DEPTOR: variants seen among roughly 807,000 people sequenced by gnomAD.
The protein encoded by DEPTOR is DEP domain containing MTOR interacting protein, also known as DEP domain-containing mTOR-interacting protein.
DEPTOR carries 41 observed loss-of-function variants against 41.6 expected under a neutral mutation model. The observed-to-expected ratio is 0.98, with a 90% CI of 0.77 to 1.28. The LOEUF (loss-of-function observed/expected upper bound fraction) is 1.28. Among genes scored for constraint, DEPTOR ranks in the 50% most tolerant of loss-of-function variants. The pLI is 0.00. For missense variants in DEPTOR, 514 were observed against 527.9 expected, an observed-to-expected ratio of 0.97 and a Z score of 0.26; for synonymous variants, 195 against 192.3, an observed-to-expected ratio of 1.01 and a Z score of -0.12.
chr8:119,891,817 A>C (rs886540393), intron 1 of DEPTOR, among the ~76,000 whole-genome samples: 1 of 152,184 alleles, frequency 6.6e-6, no homozygotes, highest in Non-Finnish European at 1.5e-5. Context: ...TATAAAAGTC[A>C]TCTCTTTGTA....
intron 4 of DEPTOR, among the ~76,000 whole-genome samples, chr8:119,986,018 C>T (rs1485677976): frequency 2.0e-5 from 3 of 151,692 alleles, no homozygotes; most frequent in Admixed American, 6.6e-5. Context: ...GGGCATTTAG[C>T]CCGTTAACAT....
At chr8:119,890,121 C>T (rs936756137) in intron 1 of DEPTOR, among the ~76,000 whole-genome samples, 1 of 152,026 alleles carries the variant, frequency 6.6e-6, no homozygotes, top group African/African-American at 2.4e-5. Flanking sequence ...TGGGCCGCTA[C>T]ACCCAGCTAA....
In DEPTOR at chr8:119,904,265, C is replaced by T. The variant is rs555974509; in HGVS notation, c.123-24135C>T. Among the ~76,000 whole-genome samples the T allele has an allele frequency of 5.1e-3, 773 of 151,888 alleles. 4 individuals are homozygous for T. The highest frequency in any genetic ancestry group is 7.2e-3 in the Non-Finnish European group (490 of 67,976). ...CCCCGAGTAGTTGGAACTACAGGTG[C>T]CTGCCACCACGCCCAGCTGATTTTT... On this transcript the variant is annotated intron_variant, in intron 1 of 8. Coordinates refer to ENST00000286234, the MANE Select transcript of DEPTOR (RefSeq NM_022783.4).
At chr8:120,005,478 A>C (rs1012314505) in intron 6 of DEPTOR, among the ~76,000 whole-genome samples, 7 of 152,110 alleles carry the variant, frequency 4.6e-5, no homozygotes, top group African/African-American at 1.7e-4. Flanking sequence ...TGCCTGGTAG[A>C]TCATCACGCC....
At chr8:120,044,249 G>A (rs1019351003) in intron 8 of DEPTOR, among the ~76,000 whole-genome samples, 15 of 151,344 alleles carry the variant, frequency 9.9e-5, no homozygotes, top group Non-Finnish European at 7.4e-5. Flanking sequence ...CCTCAGCCTC[G>A]CAAGTATCTG....
chr8:120,025,628 G>A (rs940613841), intron 8 of DEPTOR, among the ~76,000 whole-genome samples: 8 of 152,108 alleles, frequency 5.3e-5, no homozygotes, highest in African/African-American at 1.7e-4. Context: ...CAGAAACCTA[G>A]AAGTCATGCT....
intron 8 of DEPTOR, among the ~76,000 whole-genome samples, chr8:120,033,422 T>C (rs1168339900): frequency 1.3e-5 from 2 of 152,130 alleles, no homozygotes; most frequent in Non-Finnish European, 2.9e-5. Flanking sequence ...CGAAAGAGTT[T>C]GAGTCACAGC....
At chr8:119,884,583 T>C (rs868703632) in intron 1 of DEPTOR, among the ~76,000 whole-genome samples, 58 of 145,270 alleles carry the variant, frequency 4.0e-4, no homozygotes, top group Admixed American at 1.5e-3. Context: ...TTTTTTTTTT[T>C]CATGTTGAAG....
chr8:120,012,074 A>C (rs989810205), intron 8 of DEPTOR, among the ~76,000 whole-genome samples: 2 of 152,254 alleles, frequency 1.3e-5, no homozygotes, highest in African/African-American at 4.8e-5. Flanking sequence ...GCAGGAGGAA[A>C]AAAAAACCTT....
chr8:119,897,180 C>G (rs1406864740), intron 1 of DEPTOR, among the ~76,000 whole-genome samples: 1 of 152,078 alleles, frequency 6.6e-6, no homozygotes, highest in African/African-American at 2.4e-5. Context: ...TATCCCCAGA[C>G]TGGATGTGTT....
intron 4 of DEPTOR, among the ~76,000 whole-genome samples, chr8:119,997,966 G>T (rs184423368): frequency 6.6e-6 from 1 of 152,128 alleles, no homozygotes; most frequent in African/African-American, 2.4e-5. Context: ...AAAAAAAGTT[G>T]CCAGGATTGA....
In DEPTOR at chr8:119,961,402, G is replaced by A. The variant is rs924844213; in HGVS notation, c.426-3830G>A. On this transcript the variant is annotated intron_variant, in intron 3 of 8. Transcript: ENST00000286234. ...TTGCACTCCAGCCTGGGCAACAAGA[G>A]TGAAACTCCGTATCAAAAAAAAAAA... Among the ~76,000 whole-genome samples, 5 of 133,958 alleles carry A rather than the reference G, an allele frequency of 3.7e-5. No individual in the cohort carries two copies. The Admixed American group carries it at 4.2e-4, about 11-fold the overall frequency. 87.9% of individuals were successfully genotyped at this position (133,958 alleles called of 152,430 possible). A position where few individuals can be genotyped will look rare whatever the true frequency, so the allele number is the denominator to read the frequency against.
intron 3 of DEPTOR, among the ~76,000 whole-genome samples, chr8:119,948,438 TAAAATA>T (rs1828310527): frequency 6.6e-6 from 1 of 151,710 alleles, no homozygotes; most frequent in African/African-American, 2.4e-5. Flanking sequence ...AAATAAAAAC[TAAAATA>T]AAAATAAGAA....
At chr8:120,021,618 G>A (rs1313332977) in intron 8 of DEPTOR, among the ~76,000 whole-genome samples, 1 of 152,134 alleles carries the variant, frequency 6.6e-6, no homozygotes, top group Non-Finnish European at 1.5e-5. Flanking sequence ...ATAACAGAGG[G>A]AGAGAGTCTA....
chr8:119,921,610 A>T (rs1183331063), intron 1 of DEPTOR, among the ~76,000 whole-genome samples: 1 of 152,204 alleles, frequency 6.6e-6, no homozygotes, highest in Non-Finnish European at 1.5e-5. Flanking sequence ...ACCAGGACCC[A>T]GTGGGACAGT....
chr8:119,990,403 C>T (rs993304338), intron 4 of DEPTOR, among the ~76,000 whole-genome samples: 2 of 151,774 alleles, frequency 1.3e-5, no homozygotes, highest in East Asian at 1.9e-4. Flanking sequence ...GTGATCCGCC[C>T]GCCTCAGCCT....
intron 4 of DEPTOR, chr8:119,969,724 A>G (rs987586093): frequency 6.6e-6 from 1 of 152,170 alleles, no homozygotes; most frequent in Non-Finnish European, 1.5e-5. Flanking sequence ...CTACATAGCA[A>G]CTGGGGTTTC....
At chr8:119,896,459 C>T (rs1019083202) in intron 1 of DEPTOR, among the ~76,000 whole-genome samples, 1 of 151,724 alleles carries the variant, frequency 6.6e-6, no homozygotes. Flanking sequence ...GACATGGAGC[C>T]TGGACCTTTG....
In DEPTOR at chr8:119,978,195, G is replaced by A. The variant is rs570437173; in HGVS notation, c.604+12785G>A. ...TGATCTTTTACAACAGCACACAGAAGTCTTAAAACGCCAGCACAATATCTC... is the reference window on the plus strand; with the variant it reads ...TGATCTTTTACAACAGCACACAGAAATCTTAAAACGCCAGCACAATATCTC... On this transcript the variant is annotated intron_variant, in intron 4 of 8. Transcript: ENST00000286234. 5.8e-4 allele frequency among the ~76,000 whole-genome samples: 89 copies of A among 152,224 alleles called. 1 individual carries two copies. Among genetic ancestry groups the A allele is most frequent in the African/African-American group, 2.1e-3 (87 of 41,546 alleles).
Sources: gnomAD v4.1 joint callset for allele counts (sites outside exome capture counted in the v4.1 genomes callset) on GRCh38, gnomAD v4.1.1 for gene constraint, MANE v1.5 for transcripts, NCBI Gene and HGNC (gene_info 2026-07-23, HGNC 2026-07-21) for gene names.